Variants in NAV3 observed in about 807,000 individuals in gnomAD.
NAV3 encodes the protein pore membrane and/or filament interacting like protein 1.
In NAV3, 87 loss-of-function variants were observed where a neutral mutation model predicts 244.7. The observed-to-expected ratio is 0.36, with a 90% confidence interval of 0.30 to 0.42. NAV3 has a LOEUF of 0.42. Ranked by LOEUF, NAV3 falls within the 20% of genes least tolerant of loss-of-function variation. The pLI is 1.00. For missense variants in NAV3, 2,663 were observed against 2,893.3 expected (o/e 0.92, Z 1.83); for synonymous variants, 1,126 against 1,042.2 (o/e 1.08, Z -1.55).
intron 23 of NAV3, among the ~76,000 whole-genome samples, chr12:78,162,893 T>TATATA (rs1957615164): frequency 3.9e-5 from 5 of 129,448 alleles, no homozygotes; most frequent in African/African-American, 1.3e-4. Context: ...ATATATATAA[T>TATATA]ATATATATAA....
chr12:77,691,336 T>C (rs1256236874), intron 2 of NAV3, among the ~76,000 whole-genome samples: 15 of 52,126 alleles, frequency 2.9e-4, no homozygotes, highest in African/African-American at 9.9e-4. Context: ...TGTGTATGTG[T>C]GTATATATAT....
intron 2 of NAV3, among the ~76,000 whole-genome samples, chr12:77,706,881 AAAAAAAAAAAAACC>A (rs1216430357): frequency 2.1e-5 from 3 of 142,634 alleles, no homozygotes; most frequent in Admixed American, 6.8e-5. Flanking sequence ...AAAAAAAAAA[AAAAAAAAAAAAACC>A]AAAAAAAAAA....
intron 2 of NAV3, among the ~76,000 whole-genome samples, chr12:77,592,761 C>T (rs986253646): frequency 3.5e-4 from 54 of 152,236 alleles, no homozygotes; most frequent in African/African-American, 1.2e-3. Flanking sequence ...TTCTGGCAGT[C>T]GATTACCCAG....
At chr12:78,015,921 A>G (rs2136716477) in intron 8 of NAV3, among the ~76,000 whole-genome samples, 1 of 152,202 alleles carries the variant, frequency 6.6e-6, no homozygotes, top group East Asian at 1.9e-4. Context: ...TTTAAATTGT[A>G]TGGACAAATA....
chr12:78,107,778 G>A (rs370712871), intron 12 of NAV3, among the ~76,000 whole-genome samples: 14 of 152,016 alleles, frequency 9.2e-5, no homozygotes, highest in East Asian at 7.7e-4. Flanking sequence ...GTGAAAGGAC[G>A]ACATTTATCA....
At chr12:78,048,158 G>A (rs12425455) in intron 9 of NAV3, among the ~76,000 whole-genome samples, 24,244 of 151,972 alleles carry the variant, frequency 0.16, 2,968 homozygotes, top group African/African-American at 0.35. Flanking sequence ...GGGTTAGAAC[G>A]TTCTCCTTTA....
chr12:77,617,076 T>A (rs1207207405), intron 2 of NAV3, among the ~76,000 whole-genome samples: 1 of 152,236 alleles, frequency 6.6e-6, no homozygotes, highest in African/African-American at 2.4e-5. Context: ...TTAATACATT[T>A]CACAGTTTTT....
intron 2 of NAV3, among the ~76,000 whole-genome samples, chr12:77,825,848 GACAA>G (rs1241305934): frequency 1.3e-5 from 2 of 151,994 alleles, no homozygotes; most frequent in Non-Finnish European, 2.9e-5. Context: ...GTAATAATGA[GACAA>G]ACAAAAAGTG....
rs534718769 is a variant in NAV3 at position 78,136,106 on chromosome 12, TAAG to T, written c.4442-1064_4442-1062del. The stretch of plus-strand genomic sequence containing the variant: ...TTGTTTTGAGAGCCAGTACTTGTAT[TAAG>T]AAGAAGTTTAGTGCCTGTGTCACAG... On this transcript the variant is annotated intron_variant, in intron 18 of 39. Coordinates refer to ENST00000397909, the MANE Select transcript of NAV3 (RefSeq NM_001024383.2). 7.2e-5 allele frequency among the ~76,000 whole-genome samples: 11 copies of T among 152,306 alleles called. No homozygotes were observed. The South Asian group carries it at 2.3e-3, about 32-fold the overall frequency.
chr12:77,634,187 A>G (rs1872051847), intron 2 of NAV3, among the ~76,000 whole-genome samples: 1 of 152,022 alleles, frequency 6.6e-6, no homozygotes, highest in Non-Finnish European at 1.5e-5. Flanking sequence ...ACACTGTTAA[A>G]TAGCTTAACT....
intron 2 of NAV3, among the ~76,000 whole-genome samples, chr12:77,654,271 G>A (rs985765817): frequency 2.2e-4 from 33 of 152,252 alleles, no homozygotes; most frequent in African/African-American, 3.1e-4. Context: ...CTTTTCCGAC[G>A]GGCTTAAAAA....
At chr12:77,615,256 T>A (rs1347928160) in intron 2 of NAV3, among the ~76,000 whole-genome samples, 1 of 152,176 alleles carries the variant, frequency 6.6e-6, no homozygotes, top group Non-Finnish European at 1.5e-5. Context: ...ATTTTATTTA[T>A]TTATTTTTTT....
intron 2 of NAV3, among the ~76,000 whole-genome samples, chr12:77,762,087 A>G (rs1869495965): frequency 1.3e-5 from 2 of 152,232 alleles, no homozygotes; most frequent in African/African-American, 4.8e-5. Flanking sequence ...ACCATGGCAG[A>G]CTATGCAGCC....
intron 2 of NAV3, among the ~76,000 whole-genome samples, chr12:77,579,678 A>C (rs1869259136): frequency 6.6e-6 from 1 of 152,234 alleles, no homozygotes; most frequent in Admixed American, 6.5e-5. Context: ...AAACCATAGT[A>C]CTACCTTTAG....
chr12:77,748,215 C>G (rs11106524), intron 2 of NAV3, among the ~76,000 whole-genome samples: 198 of 152,176 alleles, frequency 1.3e-3, no homozygotes, highest in Non-Finnish European at 2.0e-3. Context: ...AAAATACAAT[C>G]TGTGATTTTT....
At chr12:77,826,475 G>A (rs1343187566), upstream of NAV3, among the ~76,000 whole-genome samples, 1 of 152,134 alleles carries the variant, frequency 6.6e-6, no homozygotes, top group Non-Finnish European at 1.5e-5. Context: ...CTGGGTGACA[G>A]AGCGTGACTC....
At chr12:77,729,126 T>A (rs1025977791) in intron 2 of NAV3, among the ~76,000 whole-genome samples, 5 of 152,086 alleles carry the variant, frequency 3.3e-5, no homozygotes, top group Non-Finnish European at 7.4e-5. Flanking sequence ...CAGTAGATTA[T>A]TAGTTGATAA....
rs748904755 is a variant in NAV3 at position 78,119,570 on chromosome 12, T to C, written c.3374T>C (p.Leu1125Pro). 6.2e-7 allele frequency: 1 copy of C among 1,614,186 alleles called. No individual in the cohort carries two copies. The highest frequency in any genetic ancestry group is 8.5e-7 in the Non-Finnish European group (1 of 1,180,022). The change falls in exon 15 of 40, where the codon CTG becomes CCG. Residue 1125 changes from leucine to proline, a missense_variant. By Grantham distance (98) the Leu-to-Pro change is moderately conservative. Around this residue, in one of 6 missense-constraint regions of NAV3, gnomAD observed 1,521 missense variants for 1,497.0 expected, o/e 1.02. Coordinates refer to ENST00000397909, the MANE Select transcript of NAV3 (RefSeq NM_001024383.2). Reference sequence around the variant, plus strand: ...TCACAGAATCAGGATGATGTTGTGCTGCATGTTAGCTCAAAGACTACCCTA... The same window carrying C: ...TCACAGAATCAGGATGATGTTGTGCCGCATGTTAGCTCAAAGACTACCCTA... ...DGSQNQDDVV[L>P]HVSSKTTLQY... is the part of the protein sequence containing the mutation.
intron 1 of NAV3, among the ~76,000 whole-genome samples, chr12:77,928,413 A>G (rs1888444648): frequency 6.6e-6 from 1 of 151,986 alleles, no homozygotes. Context: ...GATAAGGGAG[A>G]TGGAGGAAAG....
Sources: allele counts gnomAD v4.1 joint callset (sites outside exome capture counted in the v4.1 genomes callset), GRCh38; gene constraint gnomAD v4.1.1; regional missense constraint gnomAD v4.1.1; transcripts MANE v1.5; gene names NCBI Gene and HGNC (gene_info 2026-07-23, HGNC 2026-07-21).